OR5AS1: variants seen among roughly 807,000 people sequenced by gnomAD.
OR5AS1 encodes the protein olfactory receptor 5AS1.
For missense variants in OR5AS1, 492 were observed against 378.2 expected (o/e 1.30, Z -2.50); for synonymous variants, 196 against 141.7 (o/e 1.38, Z -2.72).
At position 56,036,736 on chromosome 11, in the gene OR5AS1, T is replaced by C. The variant is rs1012393309; in HGVS notation, c.*5343T>C. 2.0e-5 allele frequency: 3 copies of C among 151,884 alleles called. No individual in the cohort carries two copies. The highest frequency in any genetic ancestry group is 6.6e-5 in the Admixed American group (1 of 15,248). 9.4% of individuals were successfully genotyped at this position (151,884 alleles called of 1,614,324 possible). On this transcript the variant is annotated 3_prime_UTR_variant, in exon 2 of 2. Coordinates refer to ENST00000641320, the MANE Select transcript of OR5AS1 (RefSeq NM_001001921.2). ...TTCCTTCTGAAACTATTCCAAGCAA[T>C]AGAAAACGAGAGGCTCCTCCCTAAC...
In OR5AS1 at chr11:56,035,748, A is replaced by G. The variant is rs980892396; in HGVS notation, c.*4355A>G. 6.6e-6 allele frequency: 1 copy of G among 152,142 alleles called. No homozygotes were observed. Among genetic ancestry groups the G allele is most frequent in the Non-Finnish European group, 1.5e-5 (1 of 68,044 alleles). The allele number at this position is 152,142 out of a possible 1,614,324, so 9.4% of individuals were successfully genotyped here. A position where few individuals can be genotyped will look rare whatever the true frequency, so the allele number is the denominator to read the frequency against. On this transcript the variant is annotated 3_prime_UTR_variant, in exon 2 of 2. Transcript: ENST00000641320. ...AGACCAAGACAGAAAATTAACAAGG[A>G]TATTCAGGACTTGAACTCAGCTCTG... is the stretch of plus-strand genomic sequence containing the variant.
chr11:56,029,096 C>A (rs772672875), intron 1 of OR5AS1, among the ~76,000 whole-genome samples: 20 of 151,976 alleles, frequency 1.3e-4, no homozygotes, highest in Admixed American at 1.3e-3. Context: ...CTTCTCTTTT[C>A]GGTACATTTA....
rs759919416 is a variant in OR5AS1 at position 56,031,103 on chromosome 11, A to C, written c.685A>C (p.Lys229Gln). 6.2e-7 allele frequency: 1 copy of C among 1,613,942 alleles called. No homozygotes were observed. The highest frequency in any genetic ancestry group is 1.3e-5 in the African/African-American group (1 of 74,958). The change falls in exon 2 of 2, where the codon AAG becomes CAG. Residue 229 changes from lysine to glutamine, a missense_variant. Lys to Gln is a moderately conservative substitution (Grantham distance 53). Transcript: ENST00000641320. The part of the protein sequence containing the change: ...FCILITVLSI[K>Q]SSGGRSKTFS... Reference sequence around the variant, plus strand: ...CATCCTCATCACTGTGTTGAGCATCAAGTCCTCAGGTGGCAGAAGCAAAAC... The same window carrying C: ...CATCCTCATCACTGTGTTGAGCATCCAGTCCTCAGGTGGCAGAAGCAAAAC...
chr11:56,032,393 T>C lies in OR5AS1; in HGVS notation c.*1000T>C, dbSNP rs1853360259. 6.6e-6 allele frequency: 1 copy of C among 152,134 alleles called. No homozygotes were observed. The highest frequency in any genetic ancestry group is 2.4e-5 in the African/African-American group (1 of 41,404). 9.4% of individuals were successfully genotyped at this position (152,134 alleles called of 1,614,324 possible). On this transcript the variant is annotated 3_prime_UTR_variant, in exon 2 of 2. Coordinates refer to ENST00000641320, the MANE Select transcript of OR5AS1 (RefSeq NM_001001921.2). ...AGTATAAACAATTTTTACTCTGTAATCGATTTTGATAATTAAATTATCAGA... is the reference window on the plus strand; with the variant it reads ...AGTATAAACAATTTTTACTCTGTAACCGATTTTGATAATTAAATTATCAGA...
chr11:56,027,946 C>T (rs577897091), intron 1 of OR5AS1, among the ~76,000 whole-genome samples: 7 of 151,920 alleles, frequency 4.6e-5, no homozygotes, highest in South Asian at 4.2e-4. Flanking sequence ...ACGCCCAATT[C>T]GTTGTGTACC....
At chr11:56,029,644 G>C (rs1853327840) in intron 1 of OR5AS1, among the ~76,000 whole-genome samples, 1 of 150,198 alleles carries the variant, frequency 6.7e-6, no homozygotes, top group Admixed American at 6.6e-5. Flanking sequence ...ATGGTGTTCA[G>C]ACAAAAAAAA....
rs532685162 is a variant in OR5AS1, at chr11:56,037,518, A to G, written c.*6125A>G. On this transcript the variant is annotated 3_prime_UTR_variant, in exon 2 of 2. Coordinates refer to ENST00000641320, the MANE Select transcript of OR5AS1 (RefSeq NM_001001921.2). ...TGAACTGCCATTCACAATTGCTACA[A>G]AAGAGTGTAAAATACCTAGAAATAC... is the stretch of plus-strand genomic sequence containing the variant. The G allele has an allele frequency of 2.6e-5, 4 of 152,170 alleles. No homozygotes were observed. The East Asian group carries it at 5.8e-4, about 22-fold the overall frequency. 9.4% of individuals were successfully genotyped at this position (152,170 alleles called of 1,614,324 possible). A position where few individuals can be genotyped will look rare whatever the true frequency, so the allele number is the denominator to read the frequency against.
rs1469855607 is a variant in OR5AS1 at position 56,034,640 on chromosome 11, T to C, written c.*3247T>C. 6.6e-6 allele frequency: 1 copy of C among 152,112 alleles called. No homozygotes were observed. Among genetic ancestry groups the C allele is most frequent in the Non-Finnish European group, 1.5e-5 (1 of 68,036 alleles). The allele number at this position is 152,112 out of a possible 1,614,324, so 9.4% of individuals were successfully genotyped here. Reference sequence around the variant, plus strand: ...AAAGAGCAAACATATATTTGATTGGTGTACCTGAAAGTGAGGGGGAGAATG... The same window carrying C: ...AAAGAGCAAACATATATTTGATTGGCGTACCTGAAAGTGAGGGGGAGAATG... On this transcript the variant is annotated 3_prime_UTR_variant, in exon 2 of 2. Transcript: ENST00000641320.
In OR5AS1 at chr11:56,033,405, C is replaced by A. The variant is rs1423223345; in HGVS notation, c.*2012C>A. 6.6e-6 allele frequency: 1 copy of A among 152,444 alleles called. No homozygotes were observed. Among genetic ancestry groups the A allele is most frequent in the East Asian group, 1.9e-4 (1 of 5,184 alleles). The allele number at this position is 152,444 out of a possible 1,614,324, so 9.4% of individuals were successfully genotyped here. On this transcript the variant is annotated 3_prime_UTR_variant, in exon 2 of 2. Coordinates refer to ENST00000641320, the MANE Select transcript of OR5AS1 (RefSeq NM_001001921.2). Reference sequence around the variant, plus strand: ...AAATTCTTCCTGCAAGCATAGCAGTCTGAAGTTGACCTGGGATGCTCGAGC... The same window carrying A: ...AAATTCTTCCTGCAAGCATAGCAGTATGAAGTTGACCTGGGATGCTCGAGC...
Position 56,033,194 on chromosome 11 carries a change from G to A in OR5AS1, c.*1801G>A, listed in dbSNP as rs67823542. Reference sequence around the variant, plus strand: ...TCCCTGGGATTGAAGCACAAAACTCGGTGGCTGTTTGGGCAGGCACTGAGC... The same window carrying A: ...TCCCTGGGATTGAAGCACAAAACTCAGTGGCTGTTTGGGCAGGCACTGAGC... On this transcript the variant is annotated 3_prime_UTR_variant, in exon 2 of 2. Transcript: ENST00000641320. The A allele has an allele frequency of 0.07, 10,810 of 153,790 alleles. 425 individuals are homozygous for A. Among genetic ancestry groups the A allele is most frequent in the Middle Eastern group, 0.11 (32 of 304 alleles). 9.5% of individuals were successfully genotyped at this position (153,790 alleles called of 1,614,324 possible). A position where few individuals can be genotyped will look rare whatever the true frequency, so the allele number is the denominator to read the frequency against.
chr11:56,030,624 T>G lies in OR5AS1; in HGVS notation c.206T>G (p.Leu69Ter), dbSNP rs1198718805. 6.4e-7 allele frequency: 1 copy of G among 1,552,084 alleles called. No homozygotes were observed. Among genetic ancestry groups the G allele is most frequent in the Non-Finnish European group, 8.7e-7 (1 of 1,152,518 alleles). ...TATTTTCTTAGCAACTTATCTTTCT[T>G]AGACATCAGCTGTTCTACAGCAATC... ...MYYFLSNLSF[L>*]DISCSTAITP... Residue 69 changes from leucine (L) to a stop codon, truncating the protein, a stop_gained, in exon 2 of 2, where the codon TTA becomes TGA. Transcript: ENST00000641320. LOFTEE classifies it low-confidence loss of function (END_TRUNC).
chr11:56,031,295 A>G lies in OR5AS1; in HGVS notation c.877A>G (p.Arg293Gly), dbSNP rs1853348689. Reference sequence around the variant, plus strand: ...GTTTAATCCAATAATTTATAGTTTCAGAAACAAGGATGTGAAAAATGCTCT... The same window carrying G: ...GTTTAATCCAATAATTTATAGTTTCGGAAACAAGGATGTGAAAAATGCTCT... ...PMFNPIIYSF[R>G]NKDVKNALKK... Residue 293 changes from arginine to glycine, a missense_variant, in exon 2 of 2, where the codon AGA becomes GGA. Coordinates refer to ENST00000641320, the MANE Select transcript of OR5AS1 (RefSeq NM_001001921.2). The G allele has an allele frequency of 6.2e-7, 1 of 1,609,972 alleles. No homozygotes were observed. Among genetic ancestry groups the G allele is most frequent in the Non-Finnish European group, 8.5e-7 (1 of 1,178,254 alleles).
At position 56,027,692 on chromosome 11, in the gene OR5AS1, A is replaced by G. The variant is rs1853309746; in HGVS notation, c.-49A>G. 6.6e-6 allele frequency: 1 copy of G among 152,114 alleles called. No homozygotes were observed. Among genetic ancestry groups the G allele is most frequent in the Non-Finnish European group, 1.5e-5 (1 of 68,022 alleles). 9.4% of individuals were successfully genotyped at this position (152,114 alleles called of 1,614,324 possible). On this transcript the variant is annotated 5_prime_UTR_variant, in exon 1 of 2. Coordinates refer to ENST00000641320, the MANE Select transcript of OR5AS1 (RefSeq NM_001001921.2). Reference sequence around the variant, plus strand: ...TTGTGCAAAATAAGTGATAAAATTCAAAGTTCTTGATGGTGCTGAGGTAAG... The same window carrying G: ...TTGTGCAAAATAAGTGATAAAATTCGAAGTTCTTGATGGTGCTGAGGTAAG...
rs1221170132 is a variant in OR5AS1, at chr11:56,032,694, T to A, written c.*1301T>A. The A allele has an allele frequency of 1.3e-5, 2 of 152,140 alleles. No homozygotes were observed. Among genetic ancestry groups the A allele is most frequent in the African/African-American group, 4.8e-5 (2 of 41,380 alleles). The allele number at this position is 152,140 out of a possible 1,614,324, so 9.4% of individuals were successfully genotyped here. A position where few individuals can be genotyped will look rare whatever the true frequency, so the allele number is the denominator to read the frequency against. ...ATATGTATATGATTTGAAAATTAAA[T>A]AATCTAATATTTATAGACATACCAT... On this transcript the variant is annotated 3_prime_UTR_variant, in exon 2 of 2. Coordinates refer to ENST00000641320, the MANE Select transcript of OR5AS1 (RefSeq NM_001001921.2).
rs1028972138 is a variant in OR5AS1 at position 56,035,031 on chromosome 11, G to A, written c.*3638G>A. 2.6e-5 allele frequency: 4 copies of A among 152,152 alleles called. No homozygotes were observed. The highest frequency in any genetic ancestry group is 1.3e-4 in the Admixed American group (2 of 15,282). The allele number at this position is 152,152 out of a possible 1,614,324, so 9.4% of individuals were successfully genotyped here. On this transcript the variant is annotated 3_prime_UTR_variant, in exon 2 of 2. Transcript: ENST00000641320. ...TATTCAGCCAAACTAAGCTTCATGA[G>A]TGGAGGGAAATAAAATCCTTTACAG...
rs1163962472 is a variant in OR5AS1 at position 56,037,327 on chromosome 11, C to T, written c.*5934C>T. On this transcript the variant is annotated 3_prime_UTR_variant, in exon 2 of 2. Transcript: ENST00000641320. Reference sequence around the variant, plus strand: ...AGGAAAAGAGGAAGTCAAATCGTCTCTGTTTGCAGATGACATGATTGTATA... The same window carrying T: ...AGGAAAAGAGGAAGTCAAATCGTCTTTGTTTGCAGATGACATGATTGTATA... 1.3e-5 allele frequency: 2 copies of T among 152,126 alleles called. No individual in the cohort carries two copies. Among genetic ancestry groups the T allele is most frequent in the African/African-American group, 2.4e-5 (1 of 41,372 alleles). The allele number at this position is 152,126 out of a possible 1,614,324, so 9.4% of individuals were successfully genotyped here.
rs968861809 is a variant in OR5AS1, at chr11:56,030,291, G to A, written c.-28-100G>A. On this transcript the variant is annotated intron_variant, in intron 1 of 1. Transcript: ENST00000641320. Reference sequence around the variant, plus strand: ...AATTTACAAAAAATGACATCTCTGTGATTTTACTGACCTTCTATTTGATTC... The same window carrying A: ...AATTTACAAAAAATGACATCTCTGTAATTTTACTGACCTTCTATTTGATTC... 8.6e-5 allele frequency: 41 copies of A among 478,072 alleles called. 1 individual carries two copies. The highest frequency in any genetic ancestry group is 7.4e-4 in the African/African-American group (37 of 49,746). 29.6% of individuals were successfully genotyped at this position (478,072 alleles called of 1,614,324 possible).
chr11:56,029,252 T>G (rs1853323735), intron 1 of OR5AS1, among the ~76,000 whole-genome samples: 1 of 152,096 alleles, frequency 6.6e-6, no homozygotes. Context: ...AGCTTCCTGC[T>G]TAATATTCCA....
intron 1 of OR5AS1, 147 bp downstream of exon 1, chr11:56,027,859 G>A (rs1853311675): frequency 6.6e-6 from 1 of 151,394 alleles, no homozygotes. Flanking sequence ...TATGTATGTG[G>A]GCTAAGAGTG....
Sources: allele counts gnomAD v4.1 joint callset (sites outside exome capture counted in the v4.1 genomes callset), GRCh38; gene constraint gnomAD v4.1.1; transcripts MANE v1.5; gene names NCBI Gene and HGNC (gene_info 2026-07-23, HGNC 2026-07-21).